ZNF701: variants seen among roughly 807,000 people sequenced by gnomAD.
ZNF701 encodes zinc finger protein 701.
ZNF701 carries 6 observed loss-of-function variants against 7.1 expected under a neutral mutation model. That is an observed-to-expected ratio of 0.84 (90% CI 0.46 to 1.66). The LOEUF is 1.66. ZNF701 is among the 40% of genes most tolerant of loss of function. ZNF701 has a pLI of 0.01. For synonymous variants in ZNF701, 166 were observed against 188.2 expected (o/e 0.88, Z 0.97); for missense variants, 541 against 559.2 (o/e 0.97, Z 0.33).
chr19:52,596,224 C>G, the ZNF701 span: 3 of 541,544 alleles, frequency 5.5e-6, no homozygotes, highest in Admixed American at 2.7e-5. Flanking sequence ...GTGGCAAAGT[C>G]TTTCATCAGA....
intron 3 of ZNF701, 69 bp downstream of exon 3, chr19:52,576,090 C>T (rs1278186596): frequency 6.2e-7 from 1 of 1,607,746 alleles, no homozygotes; most frequent in East Asian, 2.2e-5. Context: ...CTTGTTGCCT[C>T]TTGGGAGCCA....
At chr19:52,588,593 C>G, downstream of ZNF701, 1 of 399,620 alleles carries the variant, frequency 2.5e-6, no homozygotes. Flanking sequence ...AGAAAAGGAG[C>G]CAGGGACGGC....
chr19:52,573,795 G>A (rs1223881908), intron 1 of ZNF701, among the ~76,000 whole-genome samples: 2 of 152,220 alleles, frequency 1.3e-5, no homozygotes, highest in African/African-American at 4.8e-5. Flanking sequence ...GGGATGACAG[G>A]CATGAGCCAC....
chr19:52,577,897 C>T (rs1363913732), intron 3 of ZNF701, among the ~76,000 whole-genome samples: 1 of 152,070 alleles, frequency 6.6e-6, no homozygotes, highest in East Asian at 1.9e-4. Flanking sequence ...ACTCCTGGCT[C>T]CTCTTTGAAG....
At chr19:52,589,070 C>T (rs746427915), downstream of ZNF701, among the ~76,000 whole-genome samples, 1 of 152,220 alleles carries the variant, frequency 6.6e-6, no homozygotes. Flanking sequence ...CTGGAGAATT[C>T]CTGCAAAACT....
At chr19:52,594,179 G>A in the ZNF701 span, 3 of 120,470 alleles carry the variant, frequency 2.5e-5, 1 homozygote. Flanking sequence ...CCAGTCAGGC[G>A]TGGCGGCGCG....
At chr19:52,592,064 C>T (rs898272719), downstream of ZNF701, 1 of 756,284 alleles carries the variant, frequency 1.3e-6, no homozygotes, top group Non-Finnish European at 2.3e-6. Context: ...TGACTCACTC[C>T]TCCCTAATGT....
At chr19:52,578,429 C>T (rs1391043060) in intron 3 of ZNF701, among the ~76,000 whole-genome samples, 1 of 152,130 alleles carries the variant, frequency 6.6e-6, no homozygotes, top group African/African-American at 2.4e-5. Context: ...GCCCCCTTGT[C>T]TTGTATGCAA....
chr19:52,576,368 C>T (rs1433172758), intron 3 of ZNF701, among the ~76,000 whole-genome samples: 7 of 151,966 alleles, frequency 4.6e-5, no homozygotes, highest in African/African-American at 1.7e-4. Flanking sequence ...TGGAGAAATC[C>T]CGTCTCTACT....
chr19:52,597,916 GA>G, the ZNF701 span: 5 of 160,758 alleles, frequency 3.1e-5, no homozygotes, highest in South Asian at 5.1e-4. Flanking sequence ...GATAGTTTCT[GA>G]TGTGCCGTGA....
chr19:52,574,426 C>T (rs1330408075), intron 2 of ZNF701, among the ~76,000 whole-genome samples: 4 of 152,104 alleles, frequency 2.6e-5, no homozygotes, highest in African/African-American at 9.7e-5. Context: ...GAGGGTCCCG[C>T]AGTGTCAGTG....
chr19:52,594,632 AC>A, the ZNF701 span, among the ~76,000 whole-genome samples: 101 of 151,612 alleles, frequency 6.7e-4, no homozygotes, highest in Non-Finnish European at 1.2e-3. Flanking sequence ...TCCTGCTTCA[AC>A]CTGCCTAGCA....
chr19:52,586,858 CG>C lies in ZNF701; in HGVS notation c.*3402del, dbSNP rs763644461. On this transcript the variant is annotated 3_prime_UTR_variant, in exon 4 of 4. Coordinates refer to ENST00000391785, the MANE Select transcript of ZNF701 (RefSeq NM_018260.3). Reference sequence around the variant, plus strand: ...TGAACTTTAAAGGATTCCAGTCCTCCGAAAAACAGGATTAGACTCAAATCAC... The same window carrying C: ...TGAACTTTAAAGGATTCCAGTCCTCCAAAAACAGGATTAGACTCAAATCAC... 103 of 152,216 alleles carry C rather than the reference CG, an allele frequency of 6.8e-4. 1 individual carries two copies. The highest frequency in any genetic ancestry group is 2.3e-3 in the African/African-American group (97 of 41,530). The allele number at this position is 152,216 out of a possible 1,614,324, so 9.4% of individuals were successfully genotyped here. A position where few individuals can be genotyped will look rare whatever the true frequency, so the allele number is the denominator to read the frequency against.
chr19:52,591,030 G>C (rs528533759), downstream of ZNF701, among the ~76,000 whole-genome samples: 1 of 151,982 alleles, frequency 6.6e-6, no homozygotes, highest in Non-Finnish European at 1.5e-5. Flanking sequence ...AATAGAGACG[G>C]GGTTTTACCA....
the ZNF701 span, among the ~76,000 whole-genome samples, chr19:52,594,884 A>G: frequency 6.6e-6 from 1 of 152,166 alleles, no homozygotes; most frequent in Admixed American, 6.5e-5. Flanking sequence ...CACATAAACT[A>G]ATGATCATCT....
At chr19:52,581,976 A>T (rs1246498845) in intron 3 of ZNF701, among the ~76,000 whole-genome samples, 1 of 152,226 alleles carries the variant, frequency 6.6e-6, no homozygotes, top group East Asian at 1.9e-4. Context: ...GTGCCCTGTC[A>T]GTGTTTCGTC....
At chr19:52,593,091 TG>T in the ZNF701 span, among the ~76,000 whole-genome samples, 1 of 117,804 alleles carries the variant, frequency 8.5e-6, no homozygotes, top group Non-Finnish European at 1.8e-5. Context: ...AGCACAGGGT[TG>T]GGGGTAAGGT....
the ZNF701 span, among the ~76,000 whole-genome samples, chr19:52,592,551 A>G: frequency 6.6e-6 from 1 of 152,200 alleles, no homozygotes; most frequent in African/African-American, 2.4e-5. Context: ...AAAGCATCAC[A>G]CTGACTGACA....
chr19:52,571,980 C>T (rs1449975111), intron 1 of ZNF701, among the ~76,000 whole-genome samples: 18 of 152,056 alleles, frequency 1.2e-4, no homozygotes, highest in Non-Finnish European at 2.5e-4. Flanking sequence ...TGTGCCACCA[C>T]ACCAGGCTAA....
Sources: gnomAD v4.1 joint callset for allele counts (sites outside exome capture counted in the v4.1 genomes callset) on GRCh38, gnomAD v4.1.1 for gene constraint, MANE v1.5 for transcripts, NCBI Gene and HGNC (gene_info 2026-07-23, HGNC 2026-07-21) for gene names.